The following KLHL32 variants were observed in gnomAD, a reference collection of about 807,000 sequenced individuals.
The protein encoded by KLHL32 is kelch-like protein 32.
A neutral mutation model predicts 64.8 loss-of-function variants in KLHL32; 35 were observed. The observed-to-expected ratio is 0.54, with a 90% CI of 0.41 to 0.72. The LOEUF (loss-of-function observed/expected upper bound fraction) is 0.72. Ranked by LOEUF, KLHL32 falls within the 30% of genes least tolerant of loss-of-function variation. KLHL32 has a pLI of 0.00. For synonymous variants in KLHL32, 259 were observed against 281.0 expected, an observed-to-expected ratio of 0.92 and a Z score of 0.78; for missense variants, 589 against 768.5, an observed-to-expected ratio of 0.77 and a Z score of 2.76.
intron 1 of KLHL32, among the ~76,000 whole-genome samples, chr6:96,938,009 A>G (rs2127996748): frequency 6.6e-6 from 1 of 152,322 alleles, no homozygotes; most frequent in East Asian, 1.9e-4. Flanking sequence ...GGAAATACTG[A>G]TTCCTTGACA....
chr6:97,121,361 C>T (rs1798347413), intron 7 of KLHL32, among the ~76,000 whole-genome samples: 1 of 152,132 alleles, frequency 6.6e-6, no homozygotes, highest in Non-Finnish European at 1.5e-5. Context: ...GTAAATGATA[C>T]ACAGAAGCAG....
chr6:97,042,528 C>T (rs1785279068), intron 4 of KLHL32, among the ~76,000 whole-genome samples: 1 of 152,060 alleles, frequency 6.6e-6, no homozygotes, highest in Non-Finnish European at 1.5e-5. Flanking sequence ...ATTGTATATA[C>T]TTATGTGATG....
At chr6:97,052,077 T>G (rs993178485) in intron 4 of KLHL32, among the ~76,000 whole-genome samples, 5 of 152,176 alleles carry the variant, frequency 3.3e-5, no homozygotes, top group African/African-American at 1.2e-4. Flanking sequence ...CACAAATTAC[T>G]CTAAGCACCA....
Position 97,017,083 on chromosome 6 carries a change from T to C in KLHL32, c.205-24409T>C, listed in dbSNP as rs181206427. Among the ~76,000 whole-genome samples the C allele has an allele frequency of 9.5e-4, 144 of 152,316 alleles. 2 individuals are homozygous for C. The highest frequency in any genetic ancestry group is 3.3e-3 in the African/African-American group (137 of 41,568). On this transcript the variant is annotated intron_variant, in intron 3 of 10. Coordinates refer to ENST00000369261, the MANE Select transcript of KLHL32 (RefSeq NM_052904.4). ...TATAGCAGTGTGAAAATGGACTAAA[T>C]ACAGGTTGGAAATGTTAACTGGTTT...
At chr6:96,993,004 T>A (rs1303404534) in intron 3 of KLHL32, among the ~76,000 whole-genome samples, 1 of 152,192 alleles carries the variant, frequency 6.6e-6, no homozygotes, top group East Asian at 1.9e-4. Flanking sequence ...GTGCACTGAT[T>A]GTTCAGATGG....
At chr6:97,115,668 G>A (rs1797734802) in intron 7 of KLHL32, among the ~76,000 whole-genome samples, 1 of 152,118 alleles carries the variant, frequency 6.6e-6, no homozygotes, top group African/African-American at 2.4e-5. Context: ...TTCAATCTTA[G>A]TTTTGAGAAA....
intron 6 of KLHL32, among the ~76,000 whole-genome samples, chr6:97,109,226 G>A (rs893551360): frequency 2.6e-5 from 4 of 152,172 alleles, no homozygotes; most frequent in Non-Finnish European, 5.9e-5. Context: ...TTGTAAATTA[G>A]ATTCACCTTT....
At chr6:97,089,744 C>T (rs1283476385) in intron 6 of KLHL32, among the ~76,000 whole-genome samples, 3 of 147,970 alleles carry the variant, frequency 2.0e-5, no homozygotes, top group Non-Finnish European at 4.4e-5. Context: ...TGCGCCACTA[C>T]ACTCCAGCTG....
chr6:96,915,680 CAT>C, the KLHL32 span, among the ~76,000 whole-genome samples: 232 of 151,978 alleles, frequency 1.5e-3, 1 homozygote, highest in African/African-American at 4.9e-3. Context: ...GGATAATACT[CAT>C]AGAATTTTAT....
At position 97,132,659 on chromosome 6, in the gene KLHL32, A is replaced by C. The variant is rs1168997040; in HGVS notation, c.1613A>C (p.Asn538Thr). 3.2e-5 allele frequency: 51 copies of C among 1,606,728 alleles called. No homozygotes were observed. Among genetic ancestry groups the C allele is most frequent in the Non-Finnish European group, 4.3e-5 (51 of 1,176,470 alleles). The change falls in exon 10 of 11, where the codon AAT becomes ACT. Residue 538 changes from asparagine (N) to threonine (T), a missense_variant. Asn to Thr is a moderately conservative substitution (Grantham distance 65). Coordinates refer to ENST00000369261, the MANE Select transcript of KLHL32 (RefSeq NM_052904.4). ...RCNFNLLTGQ[N>T]ESGVAVHNGR... ...TCAATTCTCTTTACTTTAGGCCAAA[A>C]TGAATCTGGAGTTGCTGTCCATAAT...
chr6:96,962,645 A>G (rs1774001349), intron 1 of KLHL32, among the ~76,000 whole-genome samples: 1 of 152,216 alleles, frequency 6.6e-6, no homozygotes, highest in African/African-American at 2.4e-5. Flanking sequence ...CATGATTCAT[A>G]TTTGTATTCT....
At chr6:97,115,886 C>T (rs933483314) in intron 7 of KLHL32, among the ~76,000 whole-genome samples, 1 of 152,178 alleles carries the variant, frequency 6.6e-6, no homozygotes, top group Non-Finnish European at 1.5e-5. Flanking sequence ...CTTTTAAGTA[C>T]ACCTGCAAAG....
At chr6:96,975,635 C>A (rs1178947633) in intron 2 of KLHL32, among the ~76,000 whole-genome samples, 2 of 152,092 alleles carry the variant, frequency 1.3e-5, no homozygotes, top group Non-Finnish European at 2.9e-5. Context: ...AGATGCACAT[C>A]CAGAGGAAGT....
At chr6:97,041,454 A>G (rs766593882) in intron 3 of KLHL32, 38 bp from the exon 4 acceptor site, 1 of 1,407,702 alleles carries the variant, frequency 7.1e-7, no homozygotes, top group East Asian at 2.3e-5. Flanking sequence ...CTTGCTGTCA[A>G]AGTCTCATAA....
chr6:96,965,863 T>C (rs950741872), intron 1 of KLHL32, among the ~76,000 whole-genome samples: 5 of 152,184 alleles, frequency 3.3e-5, no homozygotes, highest in African/African-American at 1.2e-4. Context: ...CTATTTTTAA[T>C]AATTAAAAAA....
intron 5 of KLHL32, among the ~76,000 whole-genome samples, chr6:97,069,696 T>G (rs1383783324): frequency 1.3e-5 from 2 of 152,114 alleles, no homozygotes; most frequent in African/African-American, 4.8e-5. Context: ...GAAAGGTGCC[T>G]CCATTAAGTA....
chr6:97,022,188 A>G (rs1782086411), intron 3 of KLHL32, among the ~76,000 whole-genome samples: 1 of 150,852 alleles, frequency 6.6e-6, no homozygotes, highest in South Asian at 2.1e-4. Context: ...GACGGTTTCT[A>G]CTCTTATGCA....
At chr6:97,070,551 G>A (rs1192640522) in intron 5 of KLHL32, among the ~76,000 whole-genome samples, 3 of 152,156 alleles carry the variant, frequency 2.0e-5, no homozygotes, top group South Asian at 2.1e-4. Flanking sequence ...GCTGGCCAGG[G>A]AAGTCATTTC....
intron 4 of KLHL32, among the ~76,000 whole-genome samples, chr6:97,064,241 A>G (rs1156526611): frequency 6.6e-6 from 1 of 152,178 alleles, no homozygotes; most frequent in Non-Finnish European, 1.5e-5. Context: ...AAAGAGCAAA[A>G]TTCTGAAATA....
Sources: allele counts gnomAD v4.1 joint callset (sites outside exome capture counted in the v4.1 genomes callset), GRCh38; gene constraint gnomAD v4.1.1; transcripts MANE v1.5; gene names NCBI Gene and HGNC (gene_info 2026-07-23, HGNC 2026-07-21).